The following LYPLA1 variants were observed in gnomAD, a reference collection of about 807,000 sequenced individuals.
The protein encoded by LYPLA1 is lysophospholipase 1.
LYPLA1 carries 17 observed loss-of-function variants against 34.0 expected under a neutral mutation model. The ratio of observed to expected loss-of-function variants is 0.50; its 90% CI spans 0.34 to 0.75. The LOEUF (loss-of-function observed/expected upper bound fraction) is 0.75. LYPLA1 is among the 30% of genes least tolerant of loss of function. The pLI, the probability that LYPLA1 is intolerant of heterozygous loss-of-function variation, is 0.01. For missense variants in LYPLA1, 203 were observed against 288.8 expected (o/e 0.70, Z 2.15); for synonymous variants, 98 against 100.8 (o/e 0.97, Z 0.17).
At position 54,049,553 on chromosome 8, in the gene LYPLA1, C is replaced by T. The variant is rs115127265; in HGVS notation, c.640-1435G>A. 3.2e-3 allele frequency among the ~76,000 whole-genome samples: 493 copies of T among 152,288 alleles called. 2 individuals are homozygous for T. Among genetic ancestry groups the T allele is most frequent in the African/African-American group, 0.011 (472 of 41,548 alleles). ...AATTGGAACCACAGGTGCCCGCCAC[C>T]TCACCCGGCCTGTCCTCTTCTATCT... On this transcript the variant is annotated intron_variant, in intron 8 of 8. Transcript: ENST00000316963.
At chr8:54,097,579 T>C (rs1450917717) in intron 2 of LYPLA1, among the ~76,000 whole-genome samples, 2 of 152,214 alleles carry the variant, frequency 1.3e-5, no homozygotes, top group Non-Finnish European at 2.9e-5. Flanking sequence ...GGGATAACTT[T>C]TCTGTGATTA....
chr8:54,101,449 A>G (rs1255059616), intron 1 of LYPLA1: 1 of 1,094,178 alleles, frequency 9.1e-7, no homozygotes, highest in Non-Finnish European at 1.1e-6. Context: ...CCTCACCCAC[A>G]CACCAGGCAG....
rs1260914126 is a variant in LYPLA1 at position 54,059,416 on chromosome 8, T to G, written c.286+2838A>C. On this transcript the variant is annotated intron_variant, in intron 5 of 8. Coordinates refer to ENST00000316963, the MANE Select transcript of LYPLA1 (RefSeq NM_006330.4). ...GCTTCCCGGGTTCACGCCATTCTCCTGCCTCAGCCTCCCGAGTAGCTGGGA... is the reference window on the plus strand; with the variant it reads ...GCTTCCCGGGTTCACGCCATTCTCCGGCCTCAGCCTCCCGAGTAGCTGGGA... 3.1e-5 allele frequency among the ~76,000 whole-genome samples: 3 copies of G among 97,714 alleles called. 1 individual carries two copies. Among genetic ancestry groups the G allele is most frequent in the Non-Finnish European group, 5.2e-5 (3 of 57,352 alleles). The allele number at this position is 97,714 out of a possible 152,430, so 64.1% of individuals were successfully genotyped here. A position where few individuals can be genotyped will look rare whatever the true frequency, so the allele number is the denominator to read the frequency against.
chr8:54,060,883 C>T (rs1233304423), intron 5 of LYPLA1, among the ~76,000 whole-genome samples: 2 of 151,364 alleles, frequency 1.3e-5, no homozygotes, highest in Admixed American at 1.3e-4. Flanking sequence ...TTAGTAGAGA[C>T]GGGGTTTCAC....
At chr8:54,072,069 A>T (rs1294826181) in intron 2 of LYPLA1, among the ~76,000 whole-genome samples, 1 of 152,180 alleles carries the variant, frequency 6.6e-6, no homozygotes, top group Non-Finnish European at 1.5e-5. Flanking sequence ...TAGACAGCAC[A>T]GAAGTAAGGT....
intron 3 of LYPLA1, 143 bp from the exon 4 acceptor site, chr8:54,063,518 C>T (rs1806815521): frequency 1.5e-6 from 1 of 652,892 alleles, no homozygotes; most frequent in African/African-American, 1.9e-5. Context: ...TTTATTTCAT[C>T]CACACCTGTA....
chr8:54,062,169 T>C lies in LYPLA1; in HGVS notation c.286+85A>G, dbSNP rs1806686995. Reference sequence around the variant, plus strand: ...CACCGTGCCCGGCCCAAATGTGTAATTTTTAACCAGTAGCGATATGATTAC... The same window carrying C: ...CACCGTGCCCGGCCCAAATGTGTAACTTTTAACCAGTAGCGATATGATTAC... On this transcript the variant is annotated intron_variant, in intron 5 of 8. Transcript: ENST00000316963. 4.0e-6 allele frequency: 4 copies of C among 1,010,956 alleles called. No homozygotes were observed. The East Asian group carries it at 1.1e-4, about 27-fold the overall frequency. 62.6% of individuals were successfully genotyped at this position (1,010,956 alleles called of 1,614,324 possible).
intron 2 of LYPLA1, among the ~76,000 whole-genome samples, chr8:54,096,575 A>C (rs1368103017): frequency 6.6e-6 from 1 of 151,956 alleles, no homozygotes; most frequent in Non-Finnish European, 1.5e-5. Flanking sequence ...CCCCGTCTCT[A>C]CTAAAAATAC....
intron 2 of LYPLA1, among the ~76,000 whole-genome samples, chr8:54,089,529 C>T (rs1335812126): frequency 6.9e-6 from 1 of 145,434 alleles, no homozygotes; most frequent in African/African-American, 2.6e-5. Context: ...TGTGACAATA[C>T]TAACACTAAT....
rs1402163947 is a variant in LYPLA1, at chr8:54,050,631, T to C, written c.639+381A>G. ...GGTCTCAGTGCCTCCTAAGATAAAA[T>C]TAATCTCTTCTCAGTTTTTCAGGGC... On this transcript the variant is annotated intron_variant, in intron 8 of 8. Transcript: ENST00000316963. Among the ~76,000 whole-genome samples, 3 of 152,302 alleles carry C rather than the reference T, an allele frequency of 2.0e-5. No homozygotes were observed. The East Asian group carries it at 5.8e-4, about 29-fold the overall frequency.
chr8:54,082,727 G>C (rs1808409352), intron 2 of LYPLA1, among the ~76,000 whole-genome samples: 1 of 152,092 alleles, frequency 6.6e-6, no homozygotes, highest in South Asian at 2.1e-4. Context: ...TCATGGTACA[G>C]TCTTTCTTTC....
chr8:54,089,955 G>A (rs970700009), intron 2 of LYPLA1, among the ~76,000 whole-genome samples: 1 of 152,210 alleles, frequency 6.6e-6, no homozygotes, highest in African/African-American at 2.4e-5. Flanking sequence ...AAAATTGCAT[G>A]CAGGATTGTG....
intron 2 of LYPLA1, among the ~76,000 whole-genome samples, chr8:54,070,670 C>G (rs948160785): frequency 2.0e-5 from 3 of 152,140 alleles, no homozygotes; most frequent in Non-Finnish European, 4.4e-5. Flanking sequence ...TTGCAGTGAG[C>G]TGAGATCACA....
chr8:54,055,091 G>A lies in LYPLA1; in HGVS notation c.329C>T (p.Ser110Phe). The change falls in exon 6 of 9, where the codon TCT (serine) becomes TTT (phenylalanine). Residue 110 changes from serine (S) to phenylalanine (F), a missense_variant. Ser to Phe is a radical substitution (Grantham distance 155). Coordinates refer to ENST00000316963, the MANE Select transcript of LYPLA1 (RefSeq NM_006330.4). ...IDQEVKNGIP[S>F]NRIILGGFSQ... ...AAACCCTCCCAAAATAATTCTGTTA[G>A]AAGGAATGCCATTCTTCACTTCTTG... The A allele has an allele frequency of 3.1e-6, 5 of 1,610,034 alleles. No individual in the cohort carries two copies. Among genetic ancestry groups the A allele is most frequent in the Non-Finnish European group, 2.5e-6 (3 of 1,176,952 alleles).
intron 3 of LYPLA1, among the ~76,000 whole-genome samples, chr8:54,063,625 CCTTA>C (rs1301361368): frequency 3.3e-5 from 5 of 152,194 alleles, no homozygotes; most frequent in Admixed American, 1.3e-4. Flanking sequence ...TTCTCAACAC[CCTTA>C]CTTACTACTT....
intron 2 of LYPLA1, 62 bp downstream of exon 2, chr8:54,100,846 C>T (rs780219920): frequency 2.3e-5 from 31 of 1,340,722 alleles, no homozygotes; most frequent in Admixed American, 8.5e-5. Flanking sequence ...CCTTTGAACG[C>T]GTAAACAAAA....
At chr8:54,098,140 T>C (rs1809829698) in intron 2 of LYPLA1, among the ~76,000 whole-genome samples, 2 of 152,086 alleles carry the variant, frequency 1.3e-5, no homozygotes, top group East Asian at 1.9e-4. Context: ...GGAGAGTTGC[T>C]TGAACCTGGA....
At chr8:54,097,040 C>G (rs1253414535) in intron 2 of LYPLA1, among the ~76,000 whole-genome samples, 2 of 152,108 alleles carry the variant, frequency 1.3e-5, no homozygotes, top group Non-Finnish European at 2.9e-5. Context: ...GAAAATCACA[C>G]TGTAGAAATG....
intron 6 of LYPLA1, among the ~76,000 whole-genome samples, chr8:54,053,927 A>C (rs917298968): frequency 6.6e-6 from 1 of 152,196 alleles, no homozygotes; most frequent in Non-Finnish European, 1.5e-5. Context: ...TATATACTGT[A>C]ATGAATGAAT....
Sources: gnomAD v4.1 joint callset for allele counts (sites outside exome capture counted in the v4.1 genomes callset) on GRCh38, gnomAD v4.1.1 for gene constraint, MANE v1.5 for transcripts, NCBI Gene and HGNC (gene_info 2026-07-23, HGNC 2026-07-21) for gene names.